The following NBAS variants were observed in gnomAD, a reference collection of about 807,000 sequenced individuals.
NBAS encodes NBAS subunit of NRZ tethering complex, also known as NAG/BC035112 fusion.
In NBAS, 219 loss-of-function variants were observed where a neutral mutation model predicts 302.5. The ratio of observed to expected loss-of-function variants is 0.72; its 90% CI spans 0.65 to 0.81. The LOEUF (loss-of-function observed/expected upper bound fraction) is 0.81, where lower values mean the gene tolerates loss of function less well. Ranked by LOEUF, NBAS falls within the 30% of genes least tolerant of loss-of-function variation. The probability of loss-of-function intolerance (pLI) is 0.00; values close to 1 mark genes in which losing one functional copy is unlikely to be tolerated. For missense variants in NBAS, 2,932 were observed against 2,841.6 expected, an observed-to-expected ratio of 1.03 and a Z score of -0.72; for synonymous variants, 1,118 against 1,021.6, an observed-to-expected ratio of 1.09 and a Z score of -1.80.
chr2:15,318,406 T>G (rs1671618888), intron 38 of NBAS, among the ~76,000 whole-genome samples: 1 of 152,088 alleles, frequency 6.6e-6, no homozygotes, highest in South Asian at 2.1e-4. Flanking sequence ...AATATTAACC[T>G]AAATATAAAT....
chr2:15,476,713 C>CA (rs1489706351), intron 13 of NBAS, among the ~76,000 whole-genome samples: 1 of 150,280 alleles, frequency 6.7e-6, no homozygotes, highest in Non-Finnish European at 1.5e-5. Context: ...AGACTCTGTC[C>CA]AAAAAACAAA....
At chr2:14,888,972 G>C in the NBAS span, among the ~76,000 whole-genome samples, 5,773 of 152,256 alleles carry the variant, frequency 0.038, 133 homozygotes, top group Non-Finnish European at 0.051. Flanking sequence ...CTTCCCGCGG[G>C]CCTGTGCCTG....
At chr2:14,897,427 A>G in the NBAS span, among the ~76,000 whole-genome samples, 6 of 152,122 alleles carry the variant, frequency 3.9e-5, no homozygotes, top group Non-Finnish European at 8.8e-5. Flanking sequence ...CAAGCCATTT[A>G]TATGCACCAT....
At chr2:14,896,337 G>A in the NBAS span, among the ~76,000 whole-genome samples, 4 of 152,260 alleles carry the variant, frequency 2.6e-5, no homozygotes, top group South Asian at 8.3e-4. Flanking sequence ...TGCCAAACTA[G>A]TATGTGTATT....
the NBAS span, among the ~76,000 whole-genome samples, chr2:15,080,746 T>C: frequency 6.6e-6 from 1 of 152,224 alleles, no homozygotes; most frequent in African/African-American, 2.4e-5. Context: ...AGCTGAACTG[T>C]TGGACTGAGG....
the NBAS span, among the ~76,000 whole-genome samples, chr2:15,036,084 C>G: frequency 0.8 from 122,038 of 152,106 alleles, 49,479 homozygotes; most frequent in East Asian, 1. Context: ...ATTCTCACGC[C>G]AACAGAAAGA....
At chr2:14,855,348 G>A in the NBAS span, among the ~76,000 whole-genome samples, 3 of 152,150 alleles carry the variant, frequency 2.0e-5, no homozygotes, top group East Asian at 5.8e-4. Flanking sequence ...CAGCTGTGGT[G>A]TCTACAGGGC....
chr2:14,789,388 C>G, the NBAS span, among the ~76,000 whole-genome samples: 1 of 152,170 alleles, frequency 6.6e-6, no homozygotes, highest in Non-Finnish European at 1.5e-5. Context: ...AACCCGGTAC[C>G]TCAGATGGAA....
intron 48 of NBAS, among the ~76,000 whole-genome samples, chr2:15,212,352 C>T (rs1666452076): frequency 6.6e-6 from 1 of 152,174 alleles, no homozygotes; most frequent in South Asian, 2.1e-4. Flanking sequence ...GCACAGAAGT[C>T]AAACCTGAGC....
At chr2:15,063,473 C>T in the NBAS span, among the ~76,000 whole-genome samples, 3 of 152,214 alleles carry the variant, frequency 2.0e-5, no homozygotes, top group Non-Finnish European at 2.9e-5. Flanking sequence ...TCTTTTTGAT[C>T]ATCACATTTT....
chr2:15,381,122 C>T (rs1186051248), intron 29 of NBAS, among the ~76,000 whole-genome samples: 1 of 152,120 alleles, frequency 6.6e-6, no homozygotes, highest in African/African-American at 2.4e-5. Context: ...CTCTGGTCTA[C>T]TCAAGTAAGC....
intron 35 of NBAS, among the ~76,000 whole-genome samples, chr2:15,347,094 C>T (rs2148285753): frequency 6.6e-6 from 1 of 152,230 alleles, no homozygotes; most frequent in African/African-American, 2.4e-5. Flanking sequence ...CAAACCTGCA[C>T]ATTCTGCACA....
At chr2:14,953,323 A>G in the NBAS span, among the ~76,000 whole-genome samples, 4 of 152,256 alleles carry the variant, frequency 2.6e-5, no homozygotes, top group East Asian at 7.7e-4. Context: ...AAAAGGAATC[A>G]GAGGAGAACA....
chr2:15,367,121 T>C (rs867011186), intron 31 of NBAS, among the ~76,000 whole-genome samples: 10 of 152,220 alleles, frequency 6.6e-5, no homozygotes, highest in South Asian at 2.1e-4. Flanking sequence ...TCTCCACTCA[T>C]TACCCCAGTT....
At chr2:15,129,409 G>T in the NBAS span, among the ~76,000 whole-genome samples, 159 of 152,238 alleles carry the variant, frequency 1.0e-3, no homozygotes, top group African/African-American at 2.8e-3. Flanking sequence ...GAGAATGGGG[G>T]CTCAGGACAG....
At chr2:15,134,272 G>A in the NBAS span, among the ~76,000 whole-genome samples, 5 of 152,192 alleles carry the variant, frequency 3.3e-5, no homozygotes, top group South Asian at 2.1e-4. Context: ...TCTGCCCTGC[G>A]AGGAAACAAT....
rs1216113290 is a variant in NBAS, at chr2:15,355,896, G to C, written c.3931+407C>G. ...CAGTCTCAGGTATTTCTTTATAGCA[G>C]TGTGAGAACGAAATAATACACTATC... On this transcript the variant is annotated intron_variant, in intron 33 of 51. Coordinates refer to ENST00000281513, the MANE Select transcript of NBAS (RefSeq NM_015909.4). 2.0e-5 allele frequency among the ~76,000 whole-genome samples: 3 copies of C among 151,994 alleles called. No individual in the cohort carries two copies. In the East Asian group the frequency reaches 5.8e-4, roughly 29 times the overall value.
the NBAS span, among the ~76,000 whole-genome samples, chr2:14,968,074 C>T: frequency 1.3e-5 from 2 of 152,172 alleles, no homozygotes; most frequent in African/African-American, 4.8e-5. Context: ...CTTGTACTTA[C>T]TTGAAAGGCT....
chr2:14,960,322 C>A, the NBAS span, among the ~76,000 whole-genome samples: 2 of 152,194 alleles, frequency 1.3e-5, no homozygotes, highest in Non-Finnish European at 2.9e-5. Flanking sequence ...TGGCTTGAAA[C>A]TATGTGTTTA....
Sources: allele counts gnomAD v4.1 joint callset (sites outside exome capture counted in the v4.1 genomes callset), GRCh38; gene constraint gnomAD v4.1.1; transcripts MANE v1.5; gene names NCBI Gene and HGNC (gene_info 2026-07-23, HGNC 2026-07-21).